ATP8A1: variants seen among roughly 807,000 people sequenced by gnomAD.
ATP8A1 encodes ATPase phospholipid transporting 8A1, also known as phospholipid-transporting ATPase IA.
ATP8A1 carries 90 observed loss-of-function variants against 177.7 expected under a neutral mutation model. The observed-to-expected ratio is 0.51, with a 90% confidence interval of 0.43 to 0.60. The LOEUF is 0.60. ATP8A1 is among the 20% of genes least tolerant of loss of function. The probability of loss-of-function intolerance (pLI) is 0.00; values close to 1 mark genes in which losing one functional copy is unlikely to be tolerated. For synonymous variants in ATP8A1, 493 were observed against 485.9 expected, an observed-to-expected ratio of 1.01 and a Z score of -0.19; for missense variants, 1,072 against 1,392.8, an observed-to-expected ratio of 0.77 and a Z score of 3.67.
At chr4:42,468,951 A>C (rs555571856) in intron 25 of ATP8A1, among the ~76,000 whole-genome samples, 80 of 152,344 alleles carry the variant, frequency 5.3e-4, no homozygotes, top group Non-Finnish European at 8.4e-4. Context: ...TTAACTCAAA[A>C]TATAAATGTA....
intron 33 of ATP8A1, among the ~76,000 whole-genome samples, chr4:42,433,176 C>T (rs919376403): frequency 1.3e-5 from 2 of 152,176 alleles, no homozygotes; most frequent in Admixed American, 1.3e-4. Context: ...CTTGCTTGGG[C>T]TGTTCTGTAC....
chr4:42,642,827 G>A (rs1339333138), intron 1 of ATP8A1, among the ~76,000 whole-genome samples: 2 of 152,152 alleles, frequency 1.3e-5, no homozygotes, highest in East Asian at 3.9e-4. Flanking sequence ...CCACTGCCAT[G>A]CAAGGTGTGA....
intron 6 of ATP8A1, among the ~76,000 whole-genome samples, chr4:42,595,243 T>C (rs2109382376): frequency 6.6e-6 from 1 of 152,324 alleles, no homozygotes; most frequent in Admixed American, 6.5e-5. Flanking sequence ...TCCCCCTCCC[T>C]ACTTTTCCTT....
intron 4 of ATP8A1, among the ~76,000 whole-genome samples, chr4:42,622,123 C>A (rs911468509): frequency 6.6e-6 from 1 of 151,978 alleles, no homozygotes; most frequent in Admixed American, 6.6e-5. Context: ...CGCCTGTAAT[C>A]CCAGCATTTT....
chr4:42,537,809 T>C (rs1425298051), intron 20 of ATP8A1, among the ~76,000 whole-genome samples: 2 of 152,128 alleles, frequency 1.3e-5, no homozygotes, highest in Non-Finnish European at 2.9e-5. Flanking sequence ...ATGGGTACAA[T>C]CAATGTTGTA....
At chr4:42,549,293 C>A (rs1729248485) in intron 18 of ATP8A1, among the ~76,000 whole-genome samples, 1 of 152,092 alleles carries the variant, frequency 6.6e-6, no homozygotes, top group Admixed American at 6.6e-5. Context: ...CCGAAGAGTT[C>A]TTAGAATATA....
In ATP8A1 at chr4:42,574,624, A is replaced by G; in HGVS notation, c.1290T>C (p.Ala430=). Residue 430 remains alanine (A), a synonymous_variant, in exon 14 of 37, where the codon GCT becomes GCC. Coordinates refer to ENST00000381668, the MANE Select transcript of ATP8A1 (RefSeq NM_006095.2). Reference sequence around the variant, plus strand: ...AATTAAAGGAAAAAACTCACCCATAAGCAACTCCCGCTATGGTGCACTTCT... The same window carrying G: ...AATTAAAGGAAAAAACTCACCCATAGGCAACTCCCGCTATGGTGCACTTCT... The part of the protein sequence containing the change: ...QFKKCTIAGV[A]YGHVPEPEDY... The G allele has an allele frequency of 2.5e-6, 4 of 1,608,416 alleles. 1 individual carries two copies. Among genetic ancestry groups the G allele is most frequent in the Non-Finnish European group, 8.5e-7 (1 of 1,178,244 alleles).
intron 19 of ATP8A1, among the ~76,000 whole-genome samples, chr4:42,545,908 A>G (rs188887293): frequency 4.1e-4 from 63 of 152,204 alleles, no homozygotes; most frequent in Admixed American, 7.8e-4. Context: ...TGGGAGGCGG[A>G]GGTTGCAGTG....
At chr4:42,597,238 G>A (rs1463276882) in intron 6 of ATP8A1, among the ~76,000 whole-genome samples, 2 of 152,130 alleles carry the variant, frequency 1.3e-5, no homozygotes, top group African/African-American at 2.4e-5. Context: ...TATTACCTTG[G>A]CATGTAGACG....
intron 22 of ATP8A1, among the ~76,000 whole-genome samples, chr4:42,507,809 A>AAAAAAAAAC (rs1477576809): frequency 7.2e-6 from 1 of 139,374 alleles, no homozygotes; most frequent in African/African-American, 2.9e-5. Flanking sequence ...AAAAAAAAAA[A>AAAAAAAAAC]CATACAAACA....
At chr4:42,496,787 C>T (rs1024460894) in intron 24 of ATP8A1, among the ~76,000 whole-genome samples, 1 of 110,178 alleles carries the variant, frequency 9.1e-6, no homozygotes, top group Admixed American at 9.5e-5. Flanking sequence ...TACACATACA[C>T]ATATATGCAC....
intron 20 of ATP8A1, among the ~76,000 whole-genome samples, chr4:42,529,778 G>T (rs1299839226): frequency 6.6e-6 from 1 of 152,220 alleles, no homozygotes; most frequent in African/African-American, 2.4e-5. Flanking sequence ...AGGGACAGTG[G>T]TGAGGTGAAA....
chr4:42,604,887 G>C (rs1440782629), intron 5 of ATP8A1, among the ~76,000 whole-genome samples: 1 of 152,178 alleles, frequency 6.6e-6, no homozygotes, highest in African/African-American at 2.4e-5. Flanking sequence ...AATGAATCTT[G>C]GAGATATGCT....
intron 33 of ATP8A1, among the ~76,000 whole-genome samples, chr4:42,441,348 A>C (rs772765790): frequency 3.3e-5 from 5 of 151,962 alleles, no homozygotes; most frequent in Non-Finnish European, 7.3e-5. Flanking sequence ...TTATATATGT[A>C]TGTATATATA....
intron 17 of ATP8A1, among the ~76,000 whole-genome samples, chr4:42,551,828 T>C (rs193212976): frequency 3.3e-4 from 51 of 152,294 alleles, no homozygotes; most frequent in African/African-American, 1.1e-3. Context: ...ATATGAGACA[T>C]AACAATTCTT....
At chr4:42,581,194 C>T (rs369029591) in intron 10 of ATP8A1, among the ~76,000 whole-genome samples, 2 of 151,910 alleles carry the variant, frequency 1.3e-5, no homozygotes, top group African/African-American at 2.4e-5. Context: ...AGTACAGTGG[C>T]GCGATCTCGG....
In ATP8A1 at chr4:42,585,496, A is replaced by AT. The variant is rs1320060605; in HGVS notation, c.722+852_722+853insA. Among the ~76,000 whole-genome samples the AT allele has an allele frequency of 7.4e-3, 1,088 of 147,072 alleles. 15 individuals carry two copies. The highest frequency in any genetic ancestry group is 0.026 in the African/African-American group (1,030 of 39,282). Reference sequence around the variant, plus strand: ...CATGCCCTTACAAAAGAGGTCCGAGAGCCTCCGCCATGTGAAGACACATAC... The same window carrying AT: ...CATGCCCTTACAAAAGAGGTCCGAGATGCCTCCGCCATGTGAAGACACATAC... On this transcript the variant is annotated intron_variant, in intron 9 of 36. Transcript: ENST00000381668.
intron 1 of ATP8A1, among the ~76,000 whole-genome samples, chr4:42,646,086 T>C (rs999922353): frequency 6.6e-6 from 1 of 152,210 alleles, no homozygotes; most frequent in African/African-American, 2.4e-5. Context: ...ATCTCCTGCA[T>C]GGGGCAACGA....
intron 25 of ATP8A1, among the ~76,000 whole-genome samples, chr4:42,465,561 G>T (rs1425044132): frequency 6.6e-6 from 1 of 152,170 alleles, no homozygotes; most frequent in African/African-American, 2.4e-5. Flanking sequence ...CCAAGTATCT[G>T]ATTATAGTTC....
Sources: gnomAD v4.1 joint callset for allele counts (sites outside exome capture counted in the v4.1 genomes callset) on GRCh38, gnomAD v4.1.1 for gene constraint, MANE v1.5 for transcripts, NCBI Gene and HGNC (gene_info 2026-07-23, HGNC 2026-07-21) for gene names.